Variants in USP32 observed in about 807,000 individuals in gnomAD.
USP32 encodes the protein ubiquitin carboxyl-terminal hydrolase 32.
Under a neutral mutation model 204.8 loss-of-function variants are expected in USP32, and 59 were observed. The observed-to-expected ratio is 0.29, with a 90% CI of 0.23 to 0.36. USP32 has a LOEUF of 0.36. Among genes scored for constraint, USP32 ranks in the 10% least tolerant of loss-of-function variants. USP32 has a pLI of 1.00. For missense variants in USP32, 1,160 were observed against 1,946.4 expected (o/e 0.60, Z 7.60); for synonymous variants, 517 against 678.4 (o/e 0.76, Z 3.70).
intron 26 of USP32, among the ~76,000 whole-genome samples, chr17:60,200,790 CT>C (rs1463036229): frequency 1.6e-4 from 24 of 152,154 alleles, no homozygotes; most frequent in African/African-American, 5.8e-4. Flanking sequence ...TAAATAAACA[CT>C]AGATTTCATT....
chr17:60,335,874 C>G (rs1343089032), intron 2 of USP32, among the ~76,000 whole-genome samples: 1 of 143,070 alleles, frequency 7.0e-6, no homozygotes, highest in East Asian at 1.9e-4. Context: ...GTTTTATCAG[C>G]TAAATTTTGG....
intron 11 of USP32, among the ~76,000 whole-genome samples, chr17:60,237,752 T>C (rs2085770112): frequency 6.6e-6 from 1 of 152,196 alleles, no homozygotes; most frequent in Admixed American, 6.5e-5. Context: ...TTGTAGTATG[T>C]ATCAGTACTT....
chr17:60,310,369 G>T (rs964751149), intron 2 of USP32, among the ~76,000 whole-genome samples: 1 of 152,178 alleles, frequency 6.6e-6, no homozygotes, highest in African/African-American at 2.4e-5. Flanking sequence ...AATGGATAAA[G>T]AAAATGTGGT....
intron 1 of USP32, among the ~76,000 whole-genome samples, chr17:60,355,887 T>TAAA (rs58715953): frequency 8.9e-4 from 46 of 51,474 alleles, no homozygotes; most frequent in South Asian, 3.1e-3. Flanking sequence ...TGAACCTCTG[T>TAAA]AAAAAAAAAA....
chr17:60,269,655 G>C, intron 6 of USP32, 98 bp from the exon 7 acceptor site: 2 of 998,760 alleles, frequency 2.0e-6, no homozygotes, highest in Non-Finnish European at 2.8e-6. Flanking sequence ...CCCATAAACT[G>C]ACTGAATTTT....
chr17:60,343,808 G>A (rs1348351784), intron 2 of USP32, among the ~76,000 whole-genome samples: 1 of 152,184 alleles, frequency 6.6e-6, no homozygotes, highest in East Asian at 1.9e-4. Flanking sequence ...AAGGCGGGTA[G>A]GTCACCTGCG....
intron 1 of USP32, among the ~76,000 whole-genome samples, chr17:60,387,615 T>G (rs528924591): frequency 7.0e-4 from 106 of 152,318 alleles, no homozygotes; most frequent in Non-Finnish European, 1.1e-3. Flanking sequence ...TAAACAGAAT[T>G]TCTAGTATTT....
At chr17:60,244,779 G>A (rs1471606244) in intron 11 of USP32, among the ~76,000 whole-genome samples, 1 of 152,096 alleles carries the variant, frequency 6.6e-6, no homozygotes, top group East Asian at 1.9e-4. Context: ...TTACAGGCAC[G>A]CACCACCACG....
chr17:60,237,933 T>C (rs977691595), intron 11 of USP32, among the ~76,000 whole-genome samples: 1 of 152,196 alleles, frequency 6.6e-6, no homozygotes. Flanking sequence ...ATTATTCTGG[T>C]ATATATTTAG....
At chr17:60,206,401 C>T (rs1329780206) in intron 25 of USP32, among the ~76,000 whole-genome samples, 1 of 149,622 alleles carries the variant, frequency 6.7e-6, no homozygotes, top group Non-Finnish European at 1.5e-5. Context: ...TAACAGTCCA[C>T]GTGACTGGTG....
At chr17:60,355,329 A>T (rs1245433790) in intron 1 of USP32, among the ~76,000 whole-genome samples, 1 of 152,190 alleles carries the variant, frequency 6.6e-6, no homozygotes, top group East Asian at 1.9e-4. Flanking sequence ...GGTGATAGAA[A>T]TGTTCTGTAT....
At chr17:60,208,618 T>G in intron 23 of USP32, 36 bp downstream of exon 23, 1 of 1,463,448 alleles carries the variant, frequency 6.8e-7, no homozygotes, top group Non-Finnish European at 9.0e-7. Flanking sequence ...GTAAATTTAA[T>G]GGAGTCAAGT....
At chr17:60,238,854 C>G (rs2085805045) in intron 11 of USP32, among the ~76,000 whole-genome samples, 1 of 151,208 alleles carries the variant, frequency 6.6e-6, no homozygotes, top group Non-Finnish European at 1.5e-5. Context: ...CGCCTGTGGT[C>G]CCAGCTACTC....
rs369045014 is a variant in USP32 at position 60,391,799 on chromosome 17, C to G, written c.58+83G>C. The G allele has an allele frequency of 1.3e-5, 19 of 1,504,348 alleles. No individual in the cohort carries two copies. In the African/African-American group the frequency reaches 1.8e-4, roughly 14 times the overall value. The allele number at this position is 1,504,348 out of a possible 1,614,324, so 93.2% of individuals were successfully genotyped here. A position where few individuals can be genotyped will look rare whatever the true frequency, so the allele number is the denominator to read the frequency against. ...CTCAGGCGCCCCACGCCCTCAATCT[C>G]CCCTCTCCCTCCCGGTTACCCACCC... On this transcript the variant is annotated intron_variant, in intron 1 of 33. Coordinates refer to ENST00000300896, the MANE Select transcript of USP32 (RefSeq NM_032582.4).
At position 60,211,138 on chromosome 17, in the gene USP32, A is replaced by G. The variant is rs2084956391; in HGVS notation, c.2319-20T>C. ...TTTGTCCTAGAAGTTTGAGAGGAAA[A>G]TTTGTTGCCAAAGATTCTCATAAAT... On this transcript the variant is annotated intron_variant, in intron 20 of 33. Transcript: ENST00000300896. The G allele has an allele frequency of 1.9e-6, 3 of 1,604,118 alleles. No individual in the cohort carries two copies. The highest frequency in any genetic ancestry group is 2.6e-6 in the Non-Finnish European group (3 of 1,174,266).
chr17:60,231,392 T>TA (rs2085544194), intron 12 of USP32: 2 of 317,558 alleles, frequency 6.3e-6, no homozygotes, highest in Non-Finnish European at 1.3e-5. Flanking sequence ...GAGTGCTAGA[T>TA]AAAGTAATAA....
At chr17:60,319,650 C>T (rs542330447) in intron 2 of USP32, among the ~76,000 whole-genome samples, 1 of 152,006 alleles carries the variant, frequency 6.6e-6, no homozygotes, top group East Asian at 1.9e-4. Context: ...AGTGGTGGTG[C>T]GCACCTGTAG....
intron 11 of USP32, among the ~76,000 whole-genome samples, chr17:60,243,746 G>A (rs2085938347): frequency 6.6e-6 from 1 of 152,064 alleles, no homozygotes; most frequent in Non-Finnish European, 1.5e-5. Context: ...CTAACTGCTG[G>A]CCTAGTATAT....
At chr17:60,183,020 T>C in intron 31 of USP32, 145 bp downstream of exon 31, 1 of 1,188,976 alleles carries the variant, frequency 8.4e-7, no homozygotes, top group South Asian at 1.8e-5. Flanking sequence ...TTGCTAAAAC[T>C]TACATAGCTC....
Sources: allele counts gnomAD v4.1 joint callset (sites outside exome capture counted in the v4.1 genomes callset), GRCh38; gene constraint gnomAD v4.1.1; transcripts MANE v1.5; gene names NCBI Gene and HGNC (gene_info 2026-07-23, HGNC 2026-07-21).